The following PALS2 variants were observed in gnomAD, a reference collection of about 807,000 sequenced individuals.
The protein encoded by PALS2 is protein associated with LIN7 2, MAGUK p55 family member, also known as protein PALS2.
Under a neutral mutation model 61.6 loss-of-function variants are expected in PALS2, and 27 were observed. The ratio of observed to expected loss-of-function variants is 0.44; its 90% CI spans 0.32 to 0.60. PALS2 has a LOEUF of 0.60. PALS2 is among the 20% of genes least tolerant of loss of function. The pLI is 0.05. For synonymous variants in PALS2, 236 were observed against 218.6 expected, an observed-to-expected ratio of 1.08 and a Z score of -0.70; for missense variants, 554 against 639.4, an observed-to-expected ratio of 0.87 and a Z score of 1.44.
At chr7:24,597,230 T>C (rs1783557431) in intron 1 of PALS2, 1 of 152,114 alleles carries the variant, frequency 6.6e-6, no homozygotes, top group Non-Finnish European at 1.5e-5. Flanking sequence ...TATCATCATA[T>C]AGAAACTAGA....
At position 24,680,448 on chromosome 7, in the gene PALS2, T is replaced by C. The variant is rs559191401; in HGVS notation, c.1374T>C (p.Ala458=). 3.9e-5 allele frequency: 63 copies of C among 1,613,918 alleles called. No individual in the cohort carries two copies. In the East Asian group the frequency reaches 1.3e-3, roughly 33 times the overall value. ...EFMPYVVFIA[A]PELETLRAMH... ...TGCCCTATGTGGTATTTATTGCGGCTCCGGAGCTAGAGACGTTACGTGCCA... is the reference window on the plus strand; with the variant it reads ...TGCCCTATGTGGTATTTATTGCGGCCCCGGAGCTAGAGACGTTACGTGCCA... Residue 458 remains alanine, a synonymous_variant, in exon 11 of 12, where the codon GCT becomes GCC. Coordinates refer to ENST00000222644, the MANE Select transcript of PALS2 (RefSeq NM_001303037.2).
intron 9 of PALS2, among the ~76,000 whole-genome samples, chr7:24,678,385 C>G (rs527438325): frequency 1.3e-5 from 2 of 152,108 alleles, no homozygotes; most frequent in African/African-American, 4.8e-5. Context: ...GGTTAATAGA[C>G]CATAATAATA....
rs149558001 is a variant in PALS2, at chr7:24,611,370, A to G, written c.-2-12296A>G. Among the ~76,000 whole-genome samples, 62 of 152,206 alleles carry G rather than the reference A, an allele frequency of 4.1e-4. 1 individual carries two copies. Among genetic ancestry groups the G allele is most frequent in the Middle Eastern group, 3.4e-3 (1 of 294 alleles). ...CTTTAAGAGTACTACTCTATAAACA[A>G]TATCACCTTTTGCTGCTTCCAAGTA... is the stretch of plus-strand genomic sequence containing the variant. On this transcript the variant is annotated intron_variant, in intron 1 of 11. Transcript: ENST00000222644.
intron 1 of PALS2, among the ~76,000 whole-genome samples, chr7:24,598,301 CTTTTTAGTTCATA>C (rs1014522824): frequency 2.6e-4 from 39 of 152,124 alleles, no homozygotes; most frequent in African/African-American, 9.2e-4. Flanking sequence ...AAGTTATTGT[CTTTTTAGTTCATA>C]TTTTTAGTTC....
At chr7:24,578,536 C>T (rs1782723625) in intron 1 of PALS2, among the ~76,000 whole-genome samples, 1 of 152,190 alleles carries the variant, frequency 6.6e-6, no homozygotes, top group South Asian at 2.1e-4. Flanking sequence ...CTGCAGGGCA[C>T]ATCATATCGT....
chr7:24,667,700 C>G (rs1369700999), intron 8 of PALS2, among the ~76,000 whole-genome samples: 1 of 115,548 alleles, frequency 8.7e-6, no homozygotes, highest in Non-Finnish European at 1.6e-5. Context: ...GAGTCTTGCT[C>G]TGTCACCAGG....
chr7:24,576,286 T>C (rs1465005634), intron 1 of PALS2, among the ~76,000 whole-genome samples: 1 of 152,238 alleles, frequency 6.6e-6, no homozygotes, highest in Non-Finnish European at 1.5e-5. Context: ...TTAGTCTTCC[T>C]GTTCAGTCTC....
intron 5 of PALS2, among the ~76,000 whole-genome samples, chr7:24,658,061 A>G (rs1479113447): frequency 6.6e-6 from 1 of 152,074 alleles, no homozygotes; most frequent in Non-Finnish European, 1.5e-5. Flanking sequence ...TTACATGTAT[A>G]TTAGGCCCAT....
At chr7:24,654,598 A>C (rs1161796813) in intron 5 of PALS2, among the ~76,000 whole-genome samples, 1 of 152,212 alleles carries the variant, frequency 6.6e-6, no homozygotes, top group Admixed American at 6.5e-5. Context: ...GGAATTATGA[A>C]GAGGATCTAA....
chr7:24,684,318 A>G (rs554138801), intron 11 of PALS2, among the ~76,000 whole-genome samples: 46 of 152,274 alleles, frequency 3.0e-4, no homozygotes, highest in African/African-American at 1.1e-3. Flanking sequence ...CAGGGAGATC[A>G]CTATGTTTTA....
At chr7:24,670,251 A>G (rs1044172945) in intron 9 of PALS2, among the ~76,000 whole-genome samples, 1 of 151,470 alleles carries the variant, frequency 6.6e-6, no homozygotes, top group Non-Finnish European at 1.5e-5. Flanking sequence ...GTTTTTCTTT[A>G]TACTACCTGA....
chr7:24,683,541 G>A (rs1003543226), intron 11 of PALS2, among the ~76,000 whole-genome samples: 7 of 150,156 alleles, frequency 4.7e-5, no homozygotes, highest in African/African-American at 1.7e-4. Flanking sequence ...TTTTCATGAC[G>A]CTGATAGTCT....
rs973690377 is a variant in PALS2 at position 24,618,832 on chromosome 7, G to C, written c.-2-4834G>C. On this transcript the variant is annotated intron_variant, in intron 1 of 11. Transcript: ENST00000222644. The surrounding 1 kb of genome is among the most constrained non-coding windows in gnomAD (Gnocchi z 5.1). ...CTCTCCACTTCCCTGCTGTACTTCG[G>C]CACTCTCCCTTCAACACTCCAGTCA... 1.3e-5 allele frequency among the ~76,000 whole-genome samples: 2 copies of C among 152,186 alleles called. No individual in the cohort carries two copies. Among genetic ancestry groups the C allele is most frequent in the Admixed American group, 6.5e-5 (1 of 15,274 alleles).
rs1167316822 is a variant in PALS2 at position 24,649,676 on chromosome 7, A to G, written c.335A>G (p.Glu112Gly). ...TATGATTCACCTCCATCAAGCCCAG[A>G]AATGAATAATTCTTCTATCAATAAT... The part of the protein sequence containing the change: ...KCYDSPPSSP[E>G]MNNSSINNQL... Residue 112 changes from glutamate (E) to glycine (G), a missense_variant, in exon 4 of 12, where the codon GAA becomes GGA. By Grantham distance (98) the Glu-to-Gly change is moderately conservative. Transcript: ENST00000222644. 2 of 1,612,094 alleles carry G rather than the reference A, an allele frequency of 1.2e-6. No homozygotes were observed. The highest frequency in any genetic ancestry group is 1.7e-6 in the Non-Finnish European group (2 of 1,179,182).
intron 1 of PALS2, among the ~76,000 whole-genome samples, chr7:24,604,857 C>G (rs1783841696): frequency 6.6e-6 from 1 of 152,184 alleles, no homozygotes; most frequent in Non-Finnish European, 1.5e-5. Flanking sequence ...ACACAAACGC[C>G]TAGGCCATAG....
intron 2 of PALS2, among the ~76,000 whole-genome samples, chr7:24,624,665 G>T (rs192226962): frequency 4.9e-4 from 66 of 133,644 alleles, no homozygotes; most frequent in Non-Finnish European, 8.0e-4. Context: ...GGAGTGCACT[G>T]GCACGATCTC....
At chr7:24,632,977 A>G (rs1175528081) in intron 2 of PALS2, among the ~76,000 whole-genome samples, 4 of 152,178 alleles carry the variant, frequency 2.6e-5, no homozygotes, top group South Asian at 2.1e-4. Flanking sequence ...GAATAACATC[A>G]TACCACTTAC....
At position 24,687,418 on chromosome 7, in the gene PALS2, C is replaced by T; in HGVS notation, c.1447-20C>T. On this transcript the variant is annotated intron_variant, in intron 11 of 11. Transcript: ENST00000222644. This position sits in a 1 kb window ranked among gnomAD's most constrained non-coding sequence, Gnocchi z 4.5. ...ATATGCATTGTAATACAAACATTTC[C>T]TTTTAAAACTCTTCAACAGGACTCT... The T allele has an allele frequency of 1.9e-6, 3 of 1,594,766 alleles. No individual in the cohort carries two copies. The highest frequency in any genetic ancestry group is 2.0e-4 in the Middle Eastern group (1 of 4,986).
At chr7:24,631,240 T>C (rs1156537711) in intron 2 of PALS2, among the ~76,000 whole-genome samples, 1 of 152,202 alleles carries the variant, frequency 6.6e-6, no homozygotes, top group African/African-American at 2.4e-5. Flanking sequence ...CTCTCATGGA[T>C]GACTTTGAGG....
Sources: gnomAD v4.1 joint callset for allele counts (sites outside exome capture counted in the v4.1 genomes callset) on GRCh38, gnomAD v4.1.1 for gene constraint, Gnocchi (gnomAD v3.1) non-coding constraint, MANE v1.5 for transcripts, NCBI Gene and HGNC (gene_info 2026-07-23, HGNC 2026-07-21) for gene names.